Variants in CUX2 observed in about 807,000 individuals in gnomAD.
The protein encoded by CUX2 is homeobox protein cut-like 2.
CUX2 carries 40 observed loss-of-function variants against 144.8 expected under a neutral mutation model. The observed-to-expected ratio is 0.28, with a 90% CI of 0.21 to 0.36. CUX2 has a LOEUF of 0.36. Ranked by LOEUF, CUX2 falls within the 10% of genes least tolerant of loss-of-function variation. The pLI is 1.00. For missense variants in CUX2, 1,615 were observed against 1,994.0 expected (o/e 0.81, Z 3.62); for synonymous variants, 827 against 875.6 (o/e 0.94, Z 0.98).
chr12:111,124,686 T>A (rs954341884), intron 1 of CUX2, among the ~76,000 whole-genome samples: 6 of 152,248 alleles, frequency 3.9e-5, no homozygotes, highest in African/African-American at 7.2e-5. Context: ...TGTGCAGGTT[T>A]GTTACCTGCT....
In CUX2 at chr12:111,137,734, C is replaced by T. The variant is rs189604500; in HGVS notation, c.64-76466C>T. On this transcript the variant is annotated intron_variant, in intron 1 of 21. Transcript: ENST00000261726. Reference sequence around the variant, plus strand: ...CTCACTATGTTGCCCAAGCTGGCCTCGAACTTCTGGCCCCAAGCGATCCTC... The same window carrying T: ...CTCACTATGTTGCCCAAGCTGGCCTTGAACTTCTGGCCCCAAGCGATCCTC... Among the ~76,000 whole-genome samples the T allele has an allele frequency of 3.3e-5, 5 of 152,194 alleles. No individual in the cohort carries two copies. The East Asian group carries it at 7.8e-4, about 24-fold the overall frequency.
chr12:111,340,567 T>C (rs1888534644), intron 20 of CUX2, among the ~76,000 whole-genome samples: 1 of 152,202 alleles, frequency 6.6e-6, no homozygotes, highest in South Asian at 2.1e-4. Context: ...AAGTTTCCCC[T>C]TCAAAGACTT....
At chr12:111,280,546 G>T (rs1216333364) in intron 4 of CUX2, among the ~76,000 whole-genome samples, 2 of 152,190 alleles carry the variant, frequency 1.3e-5, no homozygotes, top group Non-Finnish European at 2.9e-5. Context: ...AAACTGGGTG[G>T]TTTAAAGCAA....
chr12:111,153,567 A>T (rs533487355), intron 1 of CUX2, among the ~76,000 whole-genome samples: 1 of 152,242 alleles, frequency 6.6e-6, no homozygotes, highest in Admixed American at 6.5e-5. Flanking sequence ...TAGAAAAGGT[A>T]CAATGAAAAT....
At chr12:111,220,143 CAA>C (rs61639519) in intron 3 of CUX2, among the ~76,000 whole-genome samples, 4 of 108,660 alleles carry the variant, frequency 3.7e-5, no homozygotes, top group Non-Finnish European at 4.0e-5. Context: ...GACTCTGTCT[CAA>C]AAAAAAAAAA....
intron 3 of CUX2, among the ~76,000 whole-genome samples, chr12:111,261,719 G>C (rs894995962): frequency 7.2e-5 from 11 of 152,048 alleles, no homozygotes; most frequent in African/African-American, 2.7e-4. Context: ...TGGCCAACAT[G>C]GCGAAACCTC....
chr12:111,096,520 A>C (rs561475698), intron 1 of CUX2, among the ~76,000 whole-genome samples: 5 of 152,294 alleles, frequency 3.3e-5, no homozygotes, highest in Admixed American at 6.5e-5. Flanking sequence ...TCACAGAGGC[A>C]AAGTCACTTG....
intron 3 of CUX2, among the ~76,000 whole-genome samples, chr12:111,260,765 G>A (rs1007443903): frequency 6.6e-6 from 1 of 152,172 alleles, no homozygotes; most frequent in Non-Finnish European, 1.5e-5. Flanking sequence ...TCTAGGCAGG[G>A]ACAGGGAAAC....
chr12:111,157,009 AC>A (rs1423564644), intron 1 of CUX2, among the ~76,000 whole-genome samples: 179 of 144,290 alleles, frequency 1.2e-3, no homozygotes, highest in African/African-American at 3.8e-3. Flanking sequence ...AAAAAAAAAA[AC>A]AGAAACAGAA....
chr12:111,322,135 TG>T lies in CUX2; in HGVS notation c.2767-284del, dbSNP rs1887565674. Among the ~76,000 whole-genome samples the T allele has an allele frequency of 6.6e-6, 1 of 151,916 alleles. No homozygotes were observed. The highest frequency in any genetic ancestry group is 1.5e-5 in the Non-Finnish European group (1 of 67,972). The stretch of plus-strand genomic sequence containing the variant: ...GAGTTCGAAACCAGCCTGGCCAATG[TG>T]GCAAAACCCCATCTCTACTAAAAAT... On this transcript the variant is annotated intron_variant, in intron 17 of 21. Coordinates refer to ENST00000261726, the MANE Select transcript of CUX2 (RefSeq NM_015267.4). This position sits in a 1 kb window ranked among gnomAD's most constrained non-coding sequence, Gnocchi z 4.2.
Position 111,287,338 on chromosome 12 carries a change from C to T in CUX2, c.302-4080C>T, listed in dbSNP as rs1218143049. The stretch of plus-strand genomic sequence containing the variant: ...GAACCGGAGCAAGCCCTCCGTGGCC[C>T]TGCGCAGTCCGCGTGGCACCGCACC... On this transcript the variant is annotated intron_variant, in intron 4 of 21. Coordinates refer to ENST00000261726, the MANE Select transcript of CUX2 (RefSeq NM_015267.4). The surrounding 1 kb of genome is among the most constrained non-coding windows in gnomAD (Gnocchi z 4.2). 6.6e-6 allele frequency among the ~76,000 whole-genome samples: 1 copy of T among 152,188 alleles called. No individual in the cohort carries two copies. The highest frequency in any genetic ancestry group is 1.5e-5 in the Non-Finnish European group (1 of 68,042).
At chr12:111,048,178 G>A (rs78225588) in intron 1 of CUX2, among the ~76,000 whole-genome samples, 1 of 152,170 alleles carries the variant, frequency 6.6e-6, no homozygotes, top group Non-Finnish European at 1.5e-5. Flanking sequence ...GATACTGAGG[G>A]TCTAAAACGG....
chr12:111,089,271 G>T (rs1409378665), intron 1 of CUX2, among the ~76,000 whole-genome samples: 3 of 152,236 alleles, frequency 2.0e-5, no homozygotes, highest in African/African-American at 7.2e-5. Flanking sequence ...TCTTGGCTCT[G>T]TAGATCACCA....
intron 1 of CUX2, among the ~76,000 whole-genome samples, chr12:111,184,738 C>T (rs902315346): frequency 2.0e-5 from 3 of 152,032 alleles, no homozygotes; most frequent in Non-Finnish European, 2.9e-5. Flanking sequence ...GCCTGGGCAA[C>T]AGAGTGAGAC....
chr12:111,208,142 T>C (rs1193348128), intron 1 of CUX2, among the ~76,000 whole-genome samples: 1 of 152,038 alleles, frequency 6.6e-6, no homozygotes, highest in African/African-American at 2.4e-5. Flanking sequence ...TTGTTTGTCT[T>C]CATGGAATCT....
rs1360153121 is a variant in CUX2, at chr12:111,037,357, G to A, written c.63+3117G>A. On this transcript the variant is annotated intron_variant, in intron 1 of 21. Coordinates refer to ENST00000261726, the MANE Select transcript of CUX2 (RefSeq NM_015267.4). This position sits in a 1 kb window ranked among gnomAD's most constrained non-coding sequence, Gnocchi z 5.4. ...CGATCCTGGCAAGAAAGGTGACCTT[G>A]TACCAGCCCGGTGTCCAGCCCTCCG... is the stretch of plus-strand genomic sequence containing the variant. 2.0e-5 allele frequency among the ~76,000 whole-genome samples: 3 copies of A among 152,242 alleles called. No individual in the cohort carries two copies. Among genetic ancestry groups the A allele is most frequent in the Non-Finnish European group, 4.4e-5 (3 of 68,044 alleles).
chr12:111,101,427 G>A (rs935837453), intron 1 of CUX2, among the ~76,000 whole-genome samples: 1 of 152,176 alleles, frequency 6.6e-6, no homozygotes, highest in African/African-American at 2.4e-5. Flanking sequence ...CCTGGTGGCT[G>A]CCGGGCTTCT....
chr12:111,130,293 C>T (rs1177470367), intron 1 of CUX2, among the ~76,000 whole-genome samples: 1 of 152,188 alleles, frequency 6.6e-6, no homozygotes, highest in East Asian at 1.9e-4. Flanking sequence ...AACTTTTGAT[C>T]CCTTGATCTA....
chr12:111,279,907 G>A (rs1482495476), intron 4 of CUX2, among the ~76,000 whole-genome samples: 5 of 152,282 alleles, frequency 3.3e-5, no homozygotes, highest in Non-Finnish European at 4.4e-5. Flanking sequence ...ACTTGAACCC[G>A]GGAAGTGGAG....
Sources: allele counts gnomAD v4.1 joint callset (sites outside exome capture counted in the v4.1 genomes callset), GRCh38; gene constraint gnomAD v4.1.1; non-coding constraint Gnocchi (gnomAD v3.1); transcripts MANE v1.5; gene names NCBI Gene and HGNC (gene_info 2026-07-23, HGNC 2026-07-21).